PLCH2: variants seen among roughly 807,000 people sequenced by gnomAD.
The protein encoded by PLCH2 is phospholipase C eta 2, also known as 1-phosphatidylinositol 4,5-bisphosphate phosphodiesterase eta-2.
In PLCH2, 98 loss-of-function variants were observed where a neutral mutation model predicts 134.7. The ratio of observed to expected loss-of-function variants is 0.73; its 90% CI spans 0.62 to 0.86. PLCH2 has a LOEUF of 0.86. Ranked by LOEUF, PLCH2 falls within the 40% of genes least tolerant of loss-of-function variation. The probability of loss-of-function intolerance (pLI) is 0.00; values close to 1 mark genes in which losing one functional copy is unlikely to be tolerated. For synonymous variants in PLCH2, 974 were observed against 827.5 expected (o/e 1.18, Z -3.04); for missense variants, 1,994 against 1,986.6 (o/e 1.00, Z -0.07).
intron 8 of PLCH2, among the ~76,000 whole-genome samples, chr1:2,488,694 G>A (rs1280294945): frequency 6.6e-6 from 1 of 152,230 alleles, no homozygotes; most frequent in Non-Finnish European, 1.5e-5. Context: ...ATTCTGCACT[G>A]TGCAGGTAAT....
chr1:2,498,301 A>C lies in PLCH2; in HGVS notation c.2225-222A>C. ...CCTCCTCGGCTCAGCTGTGGGAGGCATGGGCTCTGTCCCACATGCTGCGGT... is the reference window on the plus strand; with the variant it reads ...CCTCCTCGGCTCAGCTGTGGGAGGCCTGGGCTCTGTCCCACATGCTGCGGT... On this transcript the variant is annotated intron_variant, in intron 16 of 21. Transcript: ENST00000378486. This position sits in a 1 kb window ranked among gnomAD's most constrained non-coding sequence, Gnocchi z 5.4. 3.7e-5 allele frequency: 17 copies of C among 462,016 alleles called. No individual in the cohort carries two copies. The highest frequency in any genetic ancestry group is 5.5e-5 in the Non-Finnish European group (14 of 256,430). The allele number at this position is 462,016 out of a possible 1,614,324, so 28.6% of individuals were successfully genotyped here. A position where few individuals can be genotyped will look rare whatever the true frequency, so the allele number is the denominator to read the frequency against.
chr1:2,462,552 C>T (rs368630856), upstream of PLCH2, among the ~76,000 whole-genome samples: 11 of 151,930 alleles, frequency 7.2e-5, no homozygotes, highest in Non-Finnish European at 1.5e-4. Flanking sequence ...TTGGTCCATC[C>T]GGGGCAACTA....
intron 2 of PLCH2, among the ~76,000 whole-genome samples, chr1:2,443,489 G>A (rs1054984711): frequency 6.6e-6 from 1 of 152,100 alleles, no homozygotes; most frequent in Admixed American, 6.5e-5. Flanking sequence ...CTGGGGCCAC[G>A]GGGAGCCGGA....
chr1:2,498,101 G>T lies in PLCH2; in HGVS notation c.2225-422G>T, dbSNP rs911428560. On this transcript the variant is annotated intron_variant, in intron 16 of 21. Transcript: ENST00000378486. The surrounding 1 kb of genome is among the most constrained non-coding windows in gnomAD (Gnocchi z 5.4). ...GGAGAGGGCAGGACAGGGGCTGGGC[G>T]AGCAGGCCTCCCACTAGACCAGGCT... 3 of 239,144 alleles carry T rather than the reference G, an allele frequency of 1.3e-5. No homozygotes were observed. The highest frequency in any genetic ancestry group is 1.6e-5 in the Non-Finnish European group (2 of 122,788). 14.8% of individuals were successfully genotyped at this position (239,144 alleles called of 1,614,324 possible).
intron 2 of PLCH2, among the ~76,000 whole-genome samples, chr1:2,461,270 C>T (rs925270680): frequency 3.3e-5 from 5 of 152,198 alleles, no homozygotes; most frequent in Admixed American, 6.5e-5. Flanking sequence ...GCTCCCTCAG[C>T]GTCCAGTGGG....
intron 2 of PLCH2, among the ~76,000 whole-genome samples, chr1:2,431,326 A>AGT (rs1460012291): frequency 2.5e-5 from 3 of 118,744 alleles, no homozygotes; most frequent in African/African-American, 9.6e-5. Context: ...TGTGTGCCCA[A>AGT]GTGCGTGTGT....
intron 1 of PLCH2, 27 bp from the exon 2 acceptor site, chr1:2,478,449 T>A: frequency 6.2e-7 from 1 of 1,608,380 alleles, no homozygotes; most frequent in African/African-American, 1.3e-5. Flanking sequence ...GTGCCTCCGC[T>A]GACAGCCGTG....
chr1:2,458,474 T>C (rs1640607369), intron 2 of PLCH2, among the ~76,000 whole-genome samples: 1 of 152,154 alleles, frequency 6.6e-6, no homozygotes, highest in Non-Finnish European at 1.5e-5. Flanking sequence ...GACCTGGACA[T>C]GCCGAGTGGC....
rs766498995 is a variant in PLCH2 at position 2,504,167 on chromosome 1, G to T, written c.3205G>T (p.Glu1069Ter). The change falls in exon 22 of 22, where the codon GAG becomes TAG. Residue 1069 changes from glutamate to a stop codon, truncating the protein, a stop_gained. Transcript: ENST00000378486. LOFTEE classifies it high-confidence loss of function. Reference sequence around the variant, plus strand: ...CGGCGAGGGCGCCGGCGGGGCATACGAGAGGGCCCCCGGCAGCCAGACGGA... The same window carrying T: ...CGGCGAGGGCGCCGGCGGGGCATACTAGAGGGCCCCCGGCAGCCAGACGGA... ...CNGEGAGGAY[E>*]RAPGSQTDGR... is the part of the protein sequence containing the mutation. 3 of 1,530,902 alleles carry T rather than the reference G, an allele frequency of 2.0e-6. No individual in the cohort carries two copies. The South Asian group carries it at 3.6e-5, about 19-fold the overall frequency. 94.8% of individuals were successfully genotyped at this position (1,530,902 alleles called of 1,614,324 possible). A position where few individuals can be genotyped will look rare whatever the true frequency, so the allele number is the denominator to read the frequency against.
chr1:2,470,131 G>A (rs1484704749), intron 1 of PLCH2, among the ~76,000 whole-genome samples: 4 of 152,172 alleles, frequency 2.6e-5, no homozygotes, highest in Admixed American at 6.5e-5. Context: ...CAGACCTGGC[G>A]ACCCAGGAAC....
Position 2,476,522 on chromosome 1 carries a change from C to A in PLCH2, c.-67C>A. 1.4e-6 allele frequency: 2 copies of A among 1,417,100 alleles called. No homozygotes were observed. The highest frequency in any genetic ancestry group is 1.8e-6 in the Non-Finnish European group (2 of 1,085,768). 87.8% of individuals were successfully genotyped at this position (1,417,100 alleles called of 1,614,324 possible). On this transcript the variant is annotated 5_prime_UTR_variant, in exon 1 of 22. Coordinates refer to ENST00000378486, the MANE Select transcript of PLCH2 (RefSeq NM_014638.4). ...TGTCGCCAGCGCTGCCACTGCCTGA[C>A]CTCCGCTGCCCGAAGGCCGGTGGGC...
At chr1:2,487,054 G>A (rs897613580) in intron 6 of PLCH2, 54 bp downstream of exon 6, 25 of 1,532,014 alleles carry the variant, frequency 1.6e-5, no homozygotes, top group African/African-American at 4.1e-5. Flanking sequence ...GAGGGGCAAC[G>A]AGGGCCCAAC....
exon 1 of PLCH2, chr1:2,467,509 C>T (rs1228441049): frequency 7.5e-6 from 3 of 397,396 alleles, no homozygotes; most frequent in Non-Finnish European, 1.3e-5. Context: ...GGCATGGGCT[C>T]TGCGCGCGGG....
At chr1:2,503,659 C>T (rs1449736650) in intron 21 of PLCH2, 1 of 692,398 alleles carries the variant, frequency 1.4e-6, no homozygotes. Flanking sequence ...GGGGCCCAGC[C>T]CCGGTGTCCC....
At position 2,502,396 on chromosome 1, in the gene PLCH2, C is replaced by T. The variant is rs1029081654; in HGVS notation, c.2946C>T (p.Ser982=). ...CCCCAGCCCAGGAGGGGCCCGGCAGCGGCAGCCCCCGAGGTAAGGCGCCAG... is the reference window on the plus strand; with the variant it reads ...CCCCAGCCCAGGAGGGGCCCGGCAGTGGCAGCCCCCGAGGTAAGGCGCCAG... The part of the protein sequence containing the change: ...PEAPAQEGPG[S]GSPRDTRPLS... The change falls in exon 21 of 22, where the codon AGC becomes AGT. Residue 982 remains serine (S), a synonymous_variant. Coordinates refer to ENST00000378486, the MANE Select transcript of PLCH2 (RefSeq NM_014638.4). 8.4e-6 allele frequency: 13 copies of T among 1,542,992 alleles called. No homozygotes were observed. The African/African-American group carries it at 9.6e-5, about 11-fold the overall frequency.
intron 7 of PLCH2, 46 bp from the exon 8 acceptor site, chr1:2,487,552 A>G (rs1039910940): frequency 6.3e-7 from 1 of 1,588,926 alleles, no homozygotes. Context: ...GCCTGGGCTC[A>G]CTGTGGCTAG....
rs1007786122 is a variant in PLCH2, at chr1:2,443,631, C to T, written c.115+13002C>T. 2.7e-5 allele frequency among the ~76,000 whole-genome samples: 4 copies of T among 150,090 alleles called. No individual in the cohort carries two copies. The South Asian group carries it at 8.3e-4, about 31-fold the overall frequency. On this transcript the variant is annotated intron_variant, in intron 2 of 3. Coordinates refer to the PLCH2 transcript ENST00000609981. ...CCACCTGTTCTGTGCGTCGCGCTCG[C>T]CCGGTTGCGCCCGATCTGCCTCCAG...
intron 2 of PLCH2, among the ~76,000 whole-genome samples, chr1:2,458,396 C>T (rs777632752): frequency 1.6e-4 from 24 of 152,200 alleles, no homozygotes; most frequent in Non-Finnish European, 2.6e-4. Context: ...AGCCCTCAGC[C>T]GGGACCCATG....
At chr1:2,487,779 C>G in intron 8 of PLCH2, 61 bp downstream of exon 8, 1 of 1,497,300 alleles carries the variant, frequency 6.7e-7, no homozygotes, top group Non-Finnish European at 9.2e-7. Flanking sequence ...TCTCCAGGCT[C>G]TAGCTCTTCC....
Sources: gnomAD v4.1 joint callset for allele counts (sites outside exome capture counted in the v4.1 genomes callset) on GRCh38, gnomAD v4.1.1 for gene constraint, Gnocchi (gnomAD v3.1) non-coding constraint, MANE v1.5 for transcripts, NCBI Gene and HGNC (gene_info 2026-07-23, HGNC 2026-07-21) for gene names.